The following MANBA variants were observed in gnomAD, a reference collection of about 807,000 sequenced individuals.
The protein encoded by MANBA is beta-mannosidase.
Under a neutral mutation model 111.1 loss-of-function variants are expected in MANBA, and 83 were observed. That is an observed-to-expected ratio of 0.75 (90% confidence interval 0.63 to 0.90). The LOEUF (loss-of-function observed/expected upper bound fraction) is 0.90, where lower values mean the gene tolerates loss of function less well. Among genes scored for constraint, MANBA ranks in the 40% least tolerant of loss-of-function variants. The pLI is 0.00. For synonymous variants in MANBA, 370 were observed against 378.7 expected (o/e 0.98, Z 0.27); for missense variants, 1,036 against 1,069.0 (o/e 0.97, Z 0.43).
At chr4:102,714,173 G>C (rs754055225) in intron 5 of MANBA, among the ~76,000 whole-genome samples, 12 of 152,076 alleles carry the variant, frequency 7.9e-5, no homozygotes, top group Non-Finnish European at 1.5e-4. Context: ...CTTATCTCAG[G>C]AAAACTTGGC....
chr4:102,636,607 G>C (rs748377337), intron 14 of MANBA, among the ~76,000 whole-genome samples: 1 of 152,170 alleles, frequency 6.6e-6, no homozygotes, highest in Non-Finnish European at 1.5e-5. Flanking sequence ...GCACGCACTA[G>C]AAGCAGTGGA....
Position 102,726,776 on chromosome 4 carries a change from T to C in MANBA, c.178-93A>G, listed in dbSNP as rs574300504. 3 of 738,052 alleles carry C rather than the reference T, an allele frequency of 4.1e-6. No homozygotes were observed. In the African/African-American group the frequency reaches 5.3e-5, roughly 13 times the overall value. The allele number at this position is 738,052 out of a possible 1,614,324, so 45.7% of individuals were successfully genotyped here. A position where few individuals can be genotyped will look rare whatever the true frequency, so the allele number is the denominator to read the frequency against. ...TAAAATAAATTATTAACAACAGCTA[T>C]TTATCACCTAAAAATTAACGAACTT... On this transcript the variant is annotated intron_variant, in intron 1 of 16. Transcript: ENST00000647097.
chr4:102,734,715 G>C, intron 1 of MANBA: 1 of 787,484 alleles, frequency 1.3e-6, no homozygotes, highest in South Asian at 1.8e-5. Flanking sequence ...CAGGTTCAGG[G>C]TCTGAGGAGG....
chr4:102,729,440 C>T, intron 1 of MANBA: 1 of 1,267,830 alleles, frequency 7.9e-7, no homozygotes, highest in Non-Finnish European at 1.1e-6. Flanking sequence ...ATGGGCAGCA[C>T]CACAGATGTG....
chr4:102,682,151 A>C (rs1159560397), intron 7 of MANBA, among the ~76,000 whole-genome samples: 1 of 151,610 alleles, frequency 6.6e-6, no homozygotes, highest in Non-Finnish European at 1.5e-5. Flanking sequence ...TGTCTCAAAA[A>C]AAAAAAAAAA....
chr4:102,650,433 A>G, intron 13 of MANBA, 104 bp downstream of exon 13: 2 of 1,156,614 alleles, frequency 1.7e-6, no homozygotes, highest in East Asian at 2.3e-5. Context: ...TAACCAGTGG[A>G]ATGAAAACCT....
At chr4:102,691,513 CCT>C (rs2110244765) in intron 5 of MANBA, among the ~76,000 whole-genome samples, 1 of 149,106 alleles carries the variant, frequency 6.7e-6, no homozygotes, top group South Asian at 2.1e-4. Flanking sequence ...TTTTCTTTTT[CCT>C]TTTTTTTTTT....
intron 7 of MANBA, among the ~76,000 whole-genome samples, chr4:102,684,047 G>A (rs994242176): frequency 6.6e-6 from 1 of 151,446 alleles, no homozygotes; most frequent in Non-Finnish European, 1.5e-5. Context: ...TTCAAAATCT[G>A]TAACTTCCCC....
chr4:102,688,728 T>C (rs1475973372), intron 7 of MANBA, among the ~76,000 whole-genome samples: 1 of 152,190 alleles, frequency 6.6e-6, no homozygotes, highest in Admixed American at 6.5e-5. Flanking sequence ...CTATAGCTAA[T>C]AAATAACAAA....
At chr4:102,651,899 C>T (rs1427407958) in intron 12 of MANBA, among the ~76,000 whole-genome samples, 1 of 152,168 alleles carries the variant, frequency 6.6e-6, no homozygotes, top group Non-Finnish European at 1.5e-5. Flanking sequence ...TTTTTAGACA[C>T]ACATCCTTTA....
At chr4:102,740,694 G>A (rs1723370602) in intron 1 of MANBA, among the ~76,000 whole-genome samples, 1 of 152,004 alleles carries the variant, frequency 6.6e-6, no homozygotes, top group Non-Finnish European at 1.5e-5. Context: ...ATAAAGTGAG[G>A]AAAGGACACC....
At chr4:102,636,278 A>G (rs902192039) in intron 14 of MANBA, among the ~76,000 whole-genome samples, 2 of 152,226 alleles carry the variant, frequency 1.3e-5, no homozygotes, top group African/African-American at 4.8e-5. Flanking sequence ...GTGTGATCAT[A>G]GAGTGTACTT....
intron 7 of MANBA, among the ~76,000 whole-genome samples, chr4:102,685,721 A>G (rs978063964): frequency 1.3e-5 from 2 of 152,104 alleles, no homozygotes; most frequent in Non-Finnish European, 2.9e-5. Flanking sequence ...CAAACTTGTA[A>G]TAAAGTTCCA....
At chr4:102,671,434 G>T in intron 8 of MANBA, 36 bp from the exon 9 acceptor site, 8 of 1,098,298 alleles carry the variant, frequency 7.3e-6, no homozygotes, top group Non-Finnish European at 9.2e-6. Flanking sequence ...TCATAATTTG[G>T]AAAAAAAAAA....
At position 102,657,816 on chromosome 4, in the gene MANBA, TAG is replaced by T; in HGVS notation, c.1568_1569del (p.Pro523GlnfsTer2). 6.2e-7 allele frequency: 1 copy of T among 1,613,858 alleles called. No homozygotes were observed. Among genetic ancestry groups the T allele is most frequent in the Non-Finnish European group, 8.5e-7 (1 of 1,179,732 alleles). ...TVAEAWVSQN[P>X]NSNYFGDVHF... ...TGTACATCACCAAAATAATTGCTAT[TAG>T]GGTTTTGAGAGACCCAGGCTTCTGC... On this transcript the variant is annotated frameshift_variant, in exon 12 of 17. Coordinates refer to ENST00000647097, the MANE Select transcript of MANBA (RefSeq NM_005908.4). LOFTEE classifies it high-confidence loss of function.
At chr4:102,683,858 T>C (rs1283623365) in intron 7 of MANBA, among the ~76,000 whole-genome samples, 1 of 152,242 alleles carries the variant, frequency 6.6e-6, no homozygotes, top group African/African-American at 2.4e-5. Context: ...GTTGATATTT[T>C]CCCTATATTA....
intron 1 of MANBA, among the ~76,000 whole-genome samples, chr4:102,757,111 C>G (rs1307278821): frequency 6.6e-6 from 1 of 152,018 alleles, no homozygotes; most frequent in African/African-American, 2.4e-5. Context: ...AGGTGGATGG[C>G]CTGAGGTTGG....
At chr4:102,730,674 C>G (rs865885140) in intron 1 of MANBA, 5 of 538,480 alleles carry the variant, frequency 9.3e-6, no homozygotes, top group Non-Finnish European at 1.9e-5. Context: ...TGTGCTTCTT[C>G]CGGGCTTGTA....
intron 1 of MANBA, among the ~76,000 whole-genome samples, chr4:102,745,654 C>G (rs1723559616): frequency 6.6e-6 from 1 of 152,134 alleles, no homozygotes; most frequent in African/African-American, 2.4e-5. Context: ...GCTAACCAAG[C>G]AAATAAACTA....
Sources: allele counts gnomAD v4.1 joint callset (sites outside exome capture counted in the v4.1 genomes callset), GRCh38; gene constraint gnomAD v4.1.1; transcripts MANE v1.5; gene names NCBI Gene and HGNC (gene_info 2026-07-23, HGNC 2026-07-21).